The following NLRP14 variants were observed in gnomAD, a reference collection of about 807,000 sequenced individuals.
NLRP14 encodes NLR family pyrin domain containing 14, also known as NACHT, LRR and PYD domains-containing protein 14.
A neutral mutation model predicts 94.7 loss-of-function variants in NLRP14; 105 were observed. The observed-to-expected ratio is 1.11, with a 90% confidence interval of 0.95 to 1.30. The LOEUF (loss-of-function observed/expected upper bound fraction) is 1.30, where lower values mean the gene tolerates loss of function less well. NLRP14 is among the 50% of genes most tolerant of loss of function. NLRP14 has a pLI of 0.00. For synonymous variants in NLRP14, 508 were observed against 459.9 expected (o/e 1.10, Z -1.34); for missense variants, 1,362 against 1,254.1 (o/e 1.09, Z -1.30).
intron 8 of NLRP14, among the ~76,000 whole-genome samples, chr11:7,059,060 A>G (rs1852569166): frequency 6.6e-6 from 1 of 151,932 alleles, no homozygotes; most frequent in Non-Finnish European, 1.5e-5. Context: ...AATAGTTGAA[A>G]AGTAACTTTT....
At chr11:7,090,391 A>T in the NLRP14 span, 1 of 1,419,614 alleles carries the variant, frequency 7.0e-7, no homozygotes, top group South Asian at 1.2e-5. Context: ...GACTAGTACA[A>T]GGAAGAGTTG....
chr11:7,073,283 T>G (rs916793197), downstream of NLRP14, among the ~76,000 whole-genome samples: 8 of 152,206 alleles, frequency 5.3e-5, no homozygotes, highest in Non-Finnish European at 1.0e-4. Flanking sequence ...CCTTCCTTAG[T>G]TCACCACAAA....
intron 6 of NLRP14, among the ~76,000 whole-genome samples, chr11:7,055,588 CTGA>C (rs1852505314): frequency 6.6e-6 from 1 of 151,936 alleles, no homozygotes; most frequent in African/African-American, 2.4e-5. Context: ...TGGCAGTTTT[CTGA>C]TTCTTGTTTG....
At chr11:7,067,482 CT>C (rs1852721713) in intron 10 of NLRP14, among the ~76,000 whole-genome samples, 1 of 152,152 alleles carries the variant, frequency 6.6e-6, no homozygotes, top group Non-Finnish European at 1.5e-5. Context: ...TGGGAGTTCA[CT>C]CATGATTTGG....
At chr11:7,024,410 T>C (rs1482475248) in intron 1 of NLRP14, among the ~76,000 whole-genome samples, 2 of 152,252 alleles carry the variant, frequency 1.3e-5, no homozygotes, top group Non-Finnish European at 2.9e-5. Context: ...TGTTATGCTA[T>C]CTTGGTTTCT....
intron 10 of NLRP14, among the ~76,000 whole-genome samples, chr11:7,063,720 T>C (rs1411090016): frequency 6.6e-6 from 1 of 152,092 alleles, no homozygotes; most frequent in Non-Finnish European, 1.5e-5. Context: ...TCAGTTAATC[T>C]CATCTACCAT....
intron 6 of NLRP14, among the ~76,000 whole-genome samples, chr11:7,056,158 A>AT (rs997436077): frequency 3.3e-5 from 5 of 151,622 alleles, no homozygotes; most frequent in East Asian, 1.9e-4. Context: ...AGTGTTAATG[A>AT]TTTTTTTTCT....
downstream of NLRP14, among the ~76,000 whole-genome samples, chr11:7,073,313 T>C (rs543161335): frequency 6.6e-6 from 1 of 152,230 alleles, no homozygotes; most frequent in Non-Finnish European, 1.5e-5. Context: ...TTTCTCCTTG[T>C]CTGTGGGAGA....
chr11:7,041,703 A>G (rs1474728350), intron 3 of NLRP14, among the ~76,000 whole-genome samples: 5 of 152,178 alleles, frequency 3.3e-5, no homozygotes, highest in African/African-American at 1.2e-4. Flanking sequence ...AGTGACATGT[A>G]CTGTGAATGA....
At chr11:7,089,522 G>A in the NLRP14 span, 1 of 1,210,416 alleles carries the variant, frequency 8.3e-7, no homozygotes, top group Non-Finnish European at 1.0e-6. Context: ...GCGGCTACAC[G>A]GCGGATTTCG....
chr11:7,071,092 T>G, intron 11 of NLRP14, 81 bp from the exon 12 acceptor site: 1 of 1,530,768 alleles, frequency 6.5e-7, no homozygotes, highest in Non-Finnish European at 9.0e-7. Flanking sequence ...TTTTTTCTCC[T>G]GAAATAAATC....
intron 10 of NLRP14, among the ~76,000 whole-genome samples, chr11:7,068,565 T>C (rs921070892): frequency 1.3e-5 from 2 of 152,226 alleles, no homozygotes; most frequent in African/African-American, 4.8e-5. Flanking sequence ...GAGAACATAC[T>C]GTGCATGAGT....
At chr11:7,058,141 G>A (rs957518087) in intron 7 of NLRP14, 139 bp from the exon 8 acceptor site, 21 of 734,990 alleles carry the variant, frequency 2.9e-5, no homozygotes, top group African/African-American at 1.4e-4. Context: ...AATGGAATTC[G>A]TAATTTAAAT....
intron 1 of NLRP14, among the ~76,000 whole-genome samples, chr11:7,026,244 G>T (rs994396815): frequency 1.3e-5 from 2 of 151,992 alleles, no homozygotes; most frequent in Admixed American, 6.6e-5. Context: ...GAAAATTTTC[G>T]CAACCTACTC....
chr11:7,046,720 A>T lies in NLRP14; in HGVS notation c.2011A>T (p.Thr671Ser). 6.2e-7 allele frequency: 1 copy of T among 1,613,372 alleles called. No homozygotes were observed. The highest frequency in any genetic ancestry group is 8.5e-7 in the Non-Finnish European group (1 of 1,179,246). Residue 671 changes from threonine (T) to serine (S), a missense_variant, in exon 5 of 12, where the codon ACA becomes TCA. Thr to Ser is a moderately conservative substitution (Grantham distance 58, BLOSUM62 1). Transcript: ENST00000299481. ...GCAAGATCTCTGTTCTGTGCTTCAT[A>T]CAAATGAACACTTGAGAGAATTGGA... ...CWQDLCSVLH[T>S]NEHLRELDLY... is the part of the protein sequence containing the mutation.
At chr11:7,060,145 G>A (rs2119686199) in intron 9 of NLRP14, 81 bp downstream of exon 9, 7 of 1,232,170 alleles carry the variant, frequency 5.7e-6, no homozygotes, top group South Asian at 1.2e-5. Flanking sequence ...GCTGAGAACC[G>A]AGCATCTATC....
Position 7,043,633 on chromosome 11 carries a change from T to C in NLRP14, c.1607T>C (p.Leu536Ser). 1.9e-6 allele frequency: 3 copies of C among 1,614,168 alleles called. No homozygotes were observed. The highest frequency in any genetic ancestry group is 1.7e-5 in the Admixed American group (1 of 60,020). Residue 536 changes from leucine to serine, a missense_variant, in exon 4 of 12, where the codon TTG (leucine) becomes TCG (serine). Transcript: ENST00000299481. Reference protein sequence around the residue: ...TQMKCFLFGLLNEDRVKQLER... With the variant: ...TQMKCFLFGLSNEDRVKQLER... ...ATGAAGTGCTTTTTGTTTGGCCTTT[T>C]GAATGAAGATCGAGTAAAACAACTG...
At position 7,071,240 on chromosome 11, in the gene NLRP14, C is replaced by T; in HGVS notation, c.3214C>T (p.His1072Tyr). Residue 1072 changes from histidine (H) to tyrosine (Y), a missense_variant, in exon 12 of 12, where the codon CAC becomes TAC. His to Tyr is a moderately conservative substitution (Grantham distance 83). Transcript: ENST00000299481. Reference sequence around the variant, plus strand: ...GGAAGCTGTGGGAGTTAGCAATCCACACTTAATCATTAAGCCAGATTGTAA... The same window carrying T: ...GGAAGCTGTGGGAGTTAGCAATCCATACTTAATCATTAAGCCAGATTGTAA... ...LLEAVGVSNP[H>Y]LIIKPDCNYH... The T allele has an allele frequency of 1.2e-6, 2 of 1,613,072 alleles. No individual in the cohort carries two copies. The highest frequency in any genetic ancestry group is 8.5e-7 in the Non-Finnish European group (1 of 1,179,498).
At chr11:7,044,161 G>A (rs1428874298) in intron 4 of NLRP14, among the ~76,000 whole-genome samples, 177 bp downstream of exon 4, 1 of 152,142 alleles carries the variant, frequency 6.6e-6, no homozygotes, top group Non-Finnish European at 1.5e-5. Flanking sequence ...CATGGCTACT[G>A]GTGAGGAGTG....
Sources: gnomAD v4.1 joint callset for allele counts (sites outside exome capture counted in the v4.1 genomes callset) on GRCh38, gnomAD v4.1.1 for gene constraint, MANE v1.5 for transcripts, NCBI Gene and HGNC (gene_info 2026-07-23, HGNC 2026-07-21) for gene names.